The following SPATA6L variants were observed in gnomAD, a reference collection of about 807,000 sequenced individuals.
The protein encoded by SPATA6L is spermatogenesis associated 6-like protein.
SPATA6L carries 68 observed loss-of-function variants against 49.2 expected under a neutral mutation model. The observed-to-expected ratio is 1.38, with a 90% CI of 1.14 to 1.69. The LOEUF is 1.69. Ranked by LOEUF, SPATA6L falls within the 40% of genes most tolerant of loss-of-function variation. The probability of loss-of-function intolerance (pLI) is 0.00; values close to 1 mark genes in which losing one functional copy is unlikely to be tolerated. For synonymous variants in SPATA6L, 198 were observed against 165.7 expected, an observed-to-expected ratio of 1.19 and a Z score of -1.50; for missense variants, 668 against 464.3, an observed-to-expected ratio of 1.44 and a Z score of -4.03.
intron 9 of SPATA6L, among the ~76,000 whole-genome samples, chr9:4,609,589 T>TCAA (rs1323405825): frequency 6.6e-6 from 1 of 151,716 alleles, no homozygotes; most frequent in Non-Finnish European, 1.5e-5. Context: ...TTGACAAAAT[T>TCAA]CAACAACACT....
intron 4 of SPATA6L, 59 bp from the exon 5 acceptor site, chr9:4,629,227 C>T (rs963558511): frequency 6.6e-6 from 8 of 1,206,276 alleles, no homozygotes; most frequent in African/African-American, 1.6e-5. Flanking sequence ...TTAGCCATCT[C>T]CTTCTAACTT....
chr9:4,624,890 T>C (rs41515253), intron 6 of SPATA6L, among the ~76,000 whole-genome samples: 36,509 of 152,078 alleles, frequency 0.24, 6,969 homozygotes, highest in African/African-American at 0.52. Flanking sequence ...GGCTCTTCAA[T>C]ATATGGCCAC....
At position 4,625,504 on chromosome 9, in the gene SPATA6L, A is replaced by G. The variant is rs561452905; in HGVS notation, c.492T>C (p.Asn164=). ...TCTCCTTTAGTTTCATCTTTATAGT[A>G]TTTAAGGGAAATATTGGTTCATGTG... The part of the protein sequence containing the change: ...STSHEPIFPL[N]TIKMKLKENN... Residue 164 remains asparagine (N), a synonymous_variant, in exon 6 of 12, where the codon AAT becomes AAC. Coordinates refer to ENST00000682582, the MANE Select transcript of SPATA6L (RefSeq NM_001353486.2). 3 of 1,613,652 alleles carry G rather than the reference A, an allele frequency of 1.9e-6. No individual in the cohort carries two copies. The highest frequency in any genetic ancestry group is 4.5e-5 in the East Asian group (2 of 44,870).
At position 4,666,343 on chromosome 9, in the gene SPATA6L, C is replaced by A; in HGVS notation, c.-93G>T. 7.4e-7 allele frequency: 1 copy of A among 1,343,548 alleles called. No homozygotes were observed. The highest frequency in any genetic ancestry group is 1.1e-6 in the Non-Finnish European group (1 of 942,888). 83.2% of individuals were successfully genotyped at this position (1,343,548 alleles called of 1,614,324 possible). On this transcript the variant is annotated 5_prime_UTR_variant, in exon 1 of 12. Transcript: ENST00000682582. ...TCTTAGTTTAGCTGAATACCTAGAGCAAATGTTCCCAGAAGCTTCCCCAGT... is the reference window on the plus strand; with the variant it reads ...TCTTAGTTTAGCTGAATACCTAGAGAAAATGTTCCCAGAAGCTTCCCCAGT...
At chr9:4,623,161 T>C (rs984564713) in intron 6 of SPATA6L, among the ~76,000 whole-genome samples, 1 of 152,186 alleles carries the variant, frequency 6.6e-6, no homozygotes, top group African/African-American at 2.4e-5. Flanking sequence ...ATGCCTGTAA[T>C]CCCAGCTACT....
chr9:4,646,123 T>TACACACACACACACACAC (rs112163366), intron 3 of SPATA6L, among the ~76,000 whole-genome samples: 1 of 149,414 alleles, frequency 6.7e-6, no homozygotes, highest in East Asian at 2.0e-4. Context: ...CTTAGGGTTT[T>TACACACACACACACACAC]ACACACACAC....
At chr9:4,661,751 C>CGACTGCGGTTTTGCTTCAAGGCT in intron 2 of SPATA6L, 148 bp downstream of exon 2, 7 of 1,054,730 alleles carry the variant, frequency 6.6e-6, no homozygotes, top group Non-Finnish European at 8.0e-6. Flanking sequence ...GCAAGTGTTC[C>CGACTGCGGTTTTGCTTCAAGGCT]GACTGCGGTT....
rs753387434 is a variant in SPATA6L at position 4,662,605 on chromosome 9, G to A, written c.40-569C>T. ...GGCTCCTTCCCCCTGGCCGCGGCGG[G>A]CCCCTCGCAGTCGCCCGCGCCTCCG... On this transcript the variant is annotated intron_variant, in intron 1 of 11. Transcript: ENST00000682582. This position sits in a 1 kb window ranked among gnomAD's most constrained non-coding sequence, Gnocchi z 4.9. 4 of 1,594,580 alleles carry A rather than the reference G, an allele frequency of 2.5e-6. No homozygotes were observed. The highest frequency in any genetic ancestry group is 2.5e-6 in the Non-Finnish European group (3 of 1,177,842).
At position 4,622,396 on chromosome 9, in the gene SPATA6L, A is replaced by G; in HGVS notation, c.772+12T>C. On this transcript the variant is annotated intron_variant, in intron 7 of 11. Transcript: ENST00000682582. ...TAGGGAAATGTACAGGAGTAACAAG[A>G]AACTCGAGTACCTCTTCTCGTTGGA... The G allele has an allele frequency of 6.4e-7, 1 of 1,560,110 alleles. No homozygotes were observed. Among genetic ancestry groups the G allele is most frequent in the Non-Finnish European group, 8.8e-7 (1 of 1,131,390 alleles).
downstream of SPATA6L, among the ~76,000 whole-genome samples, chr9:4,597,319 TACACACACAC>T (rs57570250): frequency 0.016 from 2,290 of 143,972 alleles, 64 homozygotes; most frequent in East Asian, 0.086. Flanking sequence ...GAAAACAAAA[TACACACACAC>T]ACACACACAC....
chr9:4,592,767 T>C (rs897369325), intron 13 of SPATA6L, among the ~76,000 whole-genome samples: 15 of 152,240 alleles, frequency 9.9e-5, no homozygotes, highest in African/African-American at 3.6e-4. Context: ...CGTTGTGTTC[T>C]TATCATATCC....
chr9:4,662,889 G>A lies in SPATA6L; in HGVS notation c.40-853C>T, dbSNP rs1213856203. The A allele has an allele frequency of 1.2e-6, 2 of 1,607,368 alleles. No individual in the cohort carries two copies. Among genetic ancestry groups the A allele is most frequent in the Admixed American group, 3.3e-5 (2 of 60,006 alleles). ...CGAGGTGCTGATGAACCTGCTCTTC[G>A]CCCTGCTGTTGGACCTGCTGCTGGT... On this transcript the variant is annotated intron_variant, in intron 1 of 11. Transcript: ENST00000682582. This position sits in a 1 kb window ranked among gnomAD's most constrained non-coding sequence, Gnocchi z 4.9.
chr9:4,613,236 AAAAGAAAG>A (rs560242149), intron 9 of SPATA6L, among the ~76,000 whole-genome samples: 7 of 151,630 alleles, frequency 4.6e-5, no homozygotes, highest in Admixed American at 3.3e-4. Context: ...TCAAAAAAAA[AAAAGAAAG>A]AAAGAAAGAA....
rs142547840 is a variant in SPATA6L at position 4,628,039 on chromosome 9, G to A, written c.429+1052C>T. 4.2e-3 allele frequency: 1,458 copies of A among 350,306 alleles called. 10 individuals are homozygous for A. The highest frequency in any genetic ancestry group is 0.024 in the African/African-American group (1,118 of 45,790). The allele number at this position is 350,306 out of a possible 1,614,324, so 21.7% of individuals were successfully genotyped here. On this transcript the variant is annotated intron_variant, in intron 5 of 11. Coordinates refer to ENST00000682582, the MANE Select transcript of SPATA6L (RefSeq NM_001353486.2). ...TATATATTCTCACTTATTTGTGGGA[G>A]CTAAAGATTAAAACAATTGAACTCA...
intron 9 of SPATA6L, among the ~76,000 whole-genome samples, chr9:4,616,056 G>A (rs770574555): frequency 2.6e-5 from 4 of 152,244 alleles, no homozygotes; most frequent in Middle Eastern, 3.4e-3. Context: ...ACAATTGCTT[G>A]AGCCCAGGAG....
intron 9 of SPATA6L, among the ~76,000 whole-genome samples, chr9:4,606,669 GTAGA>G (rs1349229404): frequency 8.8e-6 from 1 of 113,254 alleles, no homozygotes; most frequent in African/African-American, 3.8e-5. Context: ...AAGACCAAAA[GTAGA>G]TAAAACCACA....
At chr9:4,620,350 T>C (rs936073608) in intron 7 of SPATA6L, among the ~76,000 whole-genome samples, 2 of 152,230 alleles carry the variant, frequency 1.3e-5, no homozygotes, top group African/African-American at 2.4e-5. Context: ...TTTTGAGCCC[T>C]ACCTTTCACA....
chr9:4,647,900 T>C (rs913408134), intron 3 of SPATA6L, among the ~76,000 whole-genome samples: 6 of 151,662 alleles, frequency 4.0e-5, no homozygotes, highest in Non-Finnish European at 7.4e-5. Context: ...AGTGGTGCGA[T>C]CTTGGGTCAC....
chr9:4,604,131 C>T, intron 11 of SPATA6L, 48 bp downstream of exon 11: 2 of 1,298,280 alleles, frequency 1.5e-6, no homozygotes, highest in Non-Finnish European at 2.2e-6. Flanking sequence ...TTTTAGCAAA[C>T]CAAGATAAGG....
Sources: allele counts gnomAD v4.1 joint callset (sites outside exome capture counted in the v4.1 genomes callset), GRCh38; gene constraint gnomAD v4.1.1; non-coding constraint Gnocchi (gnomAD v3.1); transcripts MANE v1.5; gene names NCBI Gene and HGNC (gene_info 2026-07-23, HGNC 2026-07-21).